CAPN5: variants seen among roughly 807,000 people sequenced by gnomAD.
The protein encoded by CAPN5 is calpain-5.
In CAPN5, 54 loss-of-function variants were observed where a neutral mutation model predicts 73.0. The observed-to-expected ratio is 0.74, with a 90% CI of 0.59 to 0.93. The LOEUF (loss-of-function observed/expected upper bound fraction) is 0.93. Among genes scored for constraint, CAPN5 ranks in the 40% least tolerant of loss-of-function variants. CAPN5 has a pLI of 0.00. For missense variants in CAPN5, 785 were observed against 882.9 expected (o/e 0.89, Z 1.41); for synonymous variants, 335 against 356.9 (o/e 0.94, Z 0.69).
intron 9 of CAPN5, 51 bp from the exon 10 acceptor site, chr11:77,120,662 G>A: frequency 7.6e-7 from 1 of 1,322,018 alleles, no homozygotes; most frequent in Non-Finnish European, 1.1e-6. Flanking sequence ...GGTGGGCCAG[G>A]GTGTTGTAGG....
intron 2 of CAPN5, among the ~76,000 whole-genome samples, chr11:77,086,316 G>A (rs1200332615): frequency 6.6e-6 from 1 of 152,106 alleles, no homozygotes; most frequent in Non-Finnish European, 1.5e-5. Context: ...AAAATACCCC[G>A]TAGATGTCCT....
Position 77,124,240 on chromosome 11 carries a change from C to T in CAPN5, c.*370C>T. The T allele has an allele frequency of 4.6e-6, 1 of 215,330 alleles. No homozygotes were observed. The highest frequency in any genetic ancestry group is 1.0e-4 in the South Asian group (1 of 9,794). The allele number at this position is 215,330 out of a possible 1,614,324, so 13.3% of individuals were successfully genotyped here. A position where few individuals can be genotyped will look rare whatever the true frequency, so the allele number is the denominator to read the frequency against. ...CCACATCCCCAAGCTCCGTTCTTGC[C>T]CCTCGTGTCCTAGGCCCAACCCAGC... On this transcript the variant is annotated 3_prime_UTR_variant, in exon 13 of 13. Coordinates refer to ENST00000648180, the MANE Select transcript of CAPN5 (RefSeq NM_004055.5).
At chr11:77,093,486 C>T (rs532811927) in intron 2 of CAPN5, among the ~76,000 whole-genome samples, 196 bp from the exon 3 acceptor site, 114 of 152,268 alleles carry the variant, frequency 7.5e-4, no homozygotes, top group African/African-American at 2.2e-3. Flanking sequence ...CAGGCAGGAC[C>T]GCGGGGTGGG....
intron 1 of CAPN5, chr11:77,073,234 T>C (rs1185192528): frequency 1.2e-5 from 8 of 653,808 alleles, no homozygotes; most frequent in Middle Eastern, 6.4e-4. Context: ...ACCCGAGGCT[T>C]GGCCTGGGGC....
At chr11:77,113,789 T>G (rs1950436162) in intron 4 of CAPN5, among the ~76,000 whole-genome samples, 1 of 151,538 alleles carries the variant, frequency 6.6e-6, no homozygotes, top group Non-Finnish European at 1.5e-5. Context: ...CACAGTTTCA[T>G]TGTGGTAAAA....
In CAPN5 at chr11:77,084,976, C is replaced by A. The variant is rs34236021; in HGVS notation, c.90C>A (p.Pro30=). Residue 30 remains proline, a synonymous_variant, in exon 2 of 13, where the codon CCC becomes CCA. Transcript: ENST00000648180. The stretch of plus-strand genomic sequence containing the variant: ...GCAGGAAGGTGCTCTTCGAGGACCC[C>A]CTCTTCCCCGCCACTGACGACTCAC... ...CRRRKVLFED[P]LFPATDDSLY... 9,171 of 1,613,622 alleles carry A rather than the reference C, an allele frequency of 5.7e-3. 416 individuals carry two copies. In the African/African-American group the frequency reaches 0.1, roughly 18 times the overall value.
chr11:77,071,811 C>T, intron 1 of CAPN5: 1 of 342,598 alleles, frequency 2.9e-6, no homozygotes, highest in South Asian at 2.1e-5. Flanking sequence ...TGGAGCAGTG[C>T]AGTGGGCCTG....
chr11:77,111,291 C>G (rs187330967), intron 3 of CAPN5, among the ~76,000 whole-genome samples: 26 of 152,192 alleles, frequency 1.7e-4, no homozygotes, highest in Admixed American at 1.4e-3. Flanking sequence ...CAGAGTGGTC[C>G]ACAGTGCCAA....
In CAPN5 at chr11:77,123,790, C is replaced by G. The variant is rs548678474; in HGVS notation, c.1843C>G (p.Arg615Gly). Residue 615 changes from arginine (R) to glycine (G), a missense_variant, in exon 13 of 13, where the codon CGA becomes GGA. Coordinates refer to ENST00000648180, the MANE Select transcript of CAPN5 (RefSeq NM_004055.5). Reference protein sequence around the residue: ...QALHTLHLRDRNSRQPSNLPG... With the variant: ...QALHTLHLRDGNSRQPSNLPG... Reference sequence around the variant, plus strand: ...CCTGCATACCCTCCACCTCCGGGACCGAAATAGCCGGCAGCCCAGCAACCT... The same window carrying G: ...CCTGCATACCCTCCACCTCCGGGACGGAAATAGCCGGCAGCCCAGCAACCT... 1.9e-6 allele frequency: 3 copies of G among 1,613,960 alleles called. No homozygotes were observed. In the African/African-American group the frequency reaches 4.0e-5, roughly 22 times the overall value.
chr11:77,093,912 C>A, intron 3 of CAPN5, 99 bp downstream of exon 3: 3 of 1,499,082 alleles, frequency 2.0e-6, no homozygotes, highest in Admixed American at 1.9e-5. Context: ...GCAGATGAGA[C>A]TTTCAAAAGC....
At chr11:77,104,576 C>T (rs538598322) in intron 3 of CAPN5, among the ~76,000 whole-genome samples, 11 of 152,352 alleles carry the variant, frequency 7.2e-5, no homozygotes, top group Non-Finnish European at 1.3e-4. Context: ...AGATTCAGTT[C>T]TGACTCTTAG....
intron 2 of CAPN5, among the ~76,000 whole-genome samples, chr11:77,089,797 C>A (rs1591121339): frequency 6.6e-6 from 1 of 152,130 alleles, no homozygotes; most frequent in East Asian, 1.9e-4. Context: ...TCGTTTGAAC[C>A]CAGGAGGCGA....
chr11:77,093,552 G>A (rs1555036906), intron 2 of CAPN5, 130 bp from the exon 3 acceptor site: 5 of 1,385,960 alleles, frequency 3.6e-6, no homozygotes, highest in Non-Finnish European at 4.8e-6. Context: ...GTGGGAGGCA[G>A]GTGAATCACC....
rs782096854 is a variant in CAPN5 at position 77,093,639 on chromosome 11, A to G, written c.166-43A>G. On this transcript the variant is annotated intron_variant, in intron 2 of 12. Transcript: ENST00000648180. ...GTCTCCTGCCATGGGGGGCATCCGC[A>G]TGCTCCTCCGCCCCTCACGCTCTCT... 12 of 1,527,768 alleles carry G rather than the reference A, an allele frequency of 7.9e-6. No homozygotes were observed. In the South Asian group the frequency reaches 1.2e-4, roughly 15 times the overall value. The allele number at this position is 1,527,768 out of a possible 1,614,324, so 94.6% of individuals were successfully genotyped here.
At chr11:77,104,757 C>A (rs1950326157) in intron 3 of CAPN5, among the ~76,000 whole-genome samples, 1 of 152,234 alleles carries the variant, frequency 6.6e-6, no homozygotes, top group Non-Finnish European at 1.5e-5. Context: ...CAAGACATTT[C>A]CCCTCATGAA....
Position 77,094,142 on chromosome 11 carries a change from A to G in CAPN5, c.297+329A>G, listed in dbSNP as rs544772116. Among the ~76,000 whole-genome samples the G allele has an allele frequency of 2.1e-4, 32 of 152,340 alleles. 1 individual carries two copies. In the South Asian group the frequency reaches 6.6e-3, roughly 32 times the overall value. On this transcript the variant is annotated intron_variant, in intron 3 of 12. Coordinates refer to ENST00000648180, the MANE Select transcript of CAPN5 (RefSeq NM_004055.5). ...TGTGCATCACATTTAGTGTGCAGACACCACTGATGGGGCTCAGGAGACCCC... is the reference window on the plus strand; with the variant it reads ...TGTGCATCACATTTAGTGTGCAGACGCCACTGATGGGGCTCAGGAGACCCC...
At chr11:77,088,524 G>T (rs1371446560) in intron 2 of CAPN5, among the ~76,000 whole-genome samples, 1 of 152,156 alleles carries the variant, frequency 6.6e-6, no homozygotes, top group Non-Finnish European at 1.5e-5. Context: ...GGTAGGGCTG[G>T]GGGAGGGCAA....
intron 3 of CAPN5, among the ~76,000 whole-genome samples, chr11:77,108,981 G>A (rs1591139393): frequency 6.6e-6 from 1 of 152,110 alleles, no homozygotes; most frequent in Admixed American, 6.6e-5. Flanking sequence ...CCATGGTGTG[G>A]GTTTTGTTGA....
At chr11:77,096,264 C>T (rs1555037452) in intron 3 of CAPN5, among the ~76,000 whole-genome samples, 1 of 152,208 alleles carries the variant, frequency 6.6e-6, no homozygotes. Flanking sequence ...CACACACGCC[C>T]CCACAGCAAG....
Sources: gnomAD v4.1 joint callset for allele counts (sites outside exome capture counted in the v4.1 genomes callset) on GRCh38, gnomAD v4.1.1 for gene constraint, MANE v1.5 for transcripts, NCBI Gene and HGNC (gene_info 2026-07-23, HGNC 2026-07-21) for gene names.